The following SLCO2A1 variants were observed in gnomAD, a reference collection of about 807,000 sequenced individuals.
SLCO2A1 encodes the protein matrin F/G 1.
Under a neutral mutation model 71.7 loss-of-function variants are expected in SLCO2A1, and 60 were observed. The observed-to-expected ratio is 0.84, with a 90% confidence interval of 0.68 to 1.04. The LOEUF (loss-of-function observed/expected upper bound fraction) is 1.04. Among genes scored for constraint, SLCO2A1 ranks in the 50% least tolerant of loss-of-function variants. SLCO2A1 has a pLI of 0.00. For synonymous variants in SLCO2A1, 308 were observed against 326.7 expected, an observed-to-expected ratio of 0.94 and a Z score of 0.62; for missense variants, 745 against 813.4, an observed-to-expected ratio of 0.92 and a Z score of 1.02.
chr3:133,949,084 C>CTCAGAAG, intron 6 of SLCO2A1, 113 bp from the exon 7 acceptor site: 1 of 847,590 alleles, frequency 1.2e-6, no homozygotes, highest in South Asian at 1.5e-5. Context: ...AGGTGAGCCC[C>CTCAGAAG]CTCCAGGCGT....
chr3:133,978,695 C>T (rs1484940409), intron 2 of SLCO2A1, among the ~76,000 whole-genome samples: 1 of 152,088 alleles, frequency 6.6e-6, no homozygotes, highest in Non-Finnish European at 1.5e-5. Context: ...TGCCTCCATC[C>T]AGGAAGAGTG....
At position 133,979,508 on chromosome 3, in the gene SLCO2A1, T is replaced by A. The variant is rs1048562799; in HGVS notation, c.207A>T (p.Ser69=). The change falls in exon 2 of 14, where the codon TCA becomes TCT. Residue 69 remains serine, a synonymous_variant. Coordinates refer to ENST00000310926, the MANE Select transcript of SLCO2A1 (RefSeq NM_005630.3). ...CATTCAAGCTGGAAATGAGACCCGATGAAGAACTGGAGAGCCCAAAGCGCT... is the reference window on the plus strand; with the variant it reads ...CATTCAAGCTGGAAATGAGACCCGAAGAAGAACTGGAGAGCCCAAAGCGCT... ...IEKRFGLSSS[S]SGLISSLNEI... 2 of 1,614,142 alleles carry A rather than the reference T, an allele frequency of 1.2e-6. No homozygotes were observed. The highest frequency in any genetic ancestry group is 1.7e-5 in the Admixed American group (1 of 60,028).
intron 1 of SLCO2A1, among the ~76,000 whole-genome samples, chr3:133,996,419 G>A (rs1934965388): frequency 6.6e-6 from 1 of 152,234 alleles, no homozygotes; most frequent in African/African-American, 2.4e-5. Flanking sequence ...AGGTAGGACG[G>A]ACGTGCATGG....
chr3:133,951,137 T>C (rs759669016), intron 6 of SLCO2A1, 71 bp downstream of exon 6: 2 of 1,595,106 alleles, frequency 1.3e-6, no homozygotes, highest in Non-Finnish European at 1.7e-6. Flanking sequence ...TTTTTAGCTC[T>C]ATTTATTTTC....
chr3:133,936,175 A>C (rs1283219846), intron 12 of SLCO2A1, among the ~76,000 whole-genome samples: 2 of 152,166 alleles, frequency 1.3e-5, no homozygotes, highest in East Asian at 3.9e-4. Flanking sequence ...CATCCAACAT[A>C]GTTCTCCTGA....
At chr3:134,011,941 C>T (rs1214709771) in intron 1 of SLCO2A1, among the ~76,000 whole-genome samples, 1 of 152,092 alleles carries the variant, frequency 6.6e-6, no homozygotes. Flanking sequence ...GATCTGGGGG[C>T]TGATGAGGGC....
chr3:133,948,045 A>T (rs906133567), intron 8 of SLCO2A1, among the ~76,000 whole-genome samples: 5 of 152,148 alleles, frequency 3.3e-5, no homozygotes, highest in Non-Finnish European at 7.4e-5. Context: ...GGTTTCGTTA[A>T]CCTGGGATAG....
intron 1 of SLCO2A1, among the ~76,000 whole-genome samples, chr3:134,000,382 A>T (rs1041356032): frequency 3.3e-5 from 5 of 152,102 alleles, no homozygotes; most frequent in Admixed American, 3.3e-4. Flanking sequence ...ATGGGGGTGC[A>T]TACAGCAAAG....
chr3:133,985,606 T>C (rs1934695508), intron 1 of SLCO2A1, among the ~76,000 whole-genome samples: 1 of 152,232 alleles, frequency 6.6e-6, no homozygotes, highest in South Asian at 2.1e-4. Flanking sequence ...CTTCCCCAAA[T>C]TACATCATGC....
chr3:133,935,691 C>G, intron 13 of SLCO2A1, 83 bp downstream of exon 13: 2 of 1,402,198 alleles, frequency 1.4e-6, no homozygotes, highest in Non-Finnish European at 9.4e-7. Context: ...TGACAGCCCC[C>G]ACAGTAGCCA....
intron 1 of SLCO2A1, among the ~76,000 whole-genome samples, chr3:134,014,064 G>A (rs1232251919): frequency 6.6e-6 from 1 of 152,168 alleles, no homozygotes; most frequent in South Asian, 2.1e-4. Flanking sequence ...TCTCAAGGGT[G>A]TTGGATGGAG....
At chr3:134,014,936 A>C (rs1254785299) in intron 1 of SLCO2A1, among the ~76,000 whole-genome samples, 1 of 152,216 alleles carries the variant, frequency 6.6e-6, no homozygotes, top group Non-Finnish European at 1.5e-5. Flanking sequence ...AAGGGAAAAA[A>C]CATACCAATC....
chr3:133,965,051 C>T (rs528660820), intron 3 of SLCO2A1, among the ~76,000 whole-genome samples: 2 of 152,210 alleles, frequency 1.3e-5, no homozygotes, highest in South Asian at 4.2e-4. Context: ...TAGTACTCCC[C>T]CACCCTGATG....
At chr3:133,958,394 A>G (rs988525081) in intron 3 of SLCO2A1, among the ~76,000 whole-genome samples, 4 of 151,872 alleles carry the variant, frequency 2.6e-5, no homozygotes, top group African/African-American at 9.7e-5. Context: ...CTCACTGGTC[A>G]CTCCCCCAGT....
At chr3:133,987,513 C>G (rs758090340) in intron 1 of SLCO2A1, among the ~76,000 whole-genome samples, 3 of 152,054 alleles carry the variant, frequency 2.0e-5, no homozygotes, top group Non-Finnish European at 4.4e-5. Context: ...GTCCTCCCCC[C>G]ACCCCACTTC....
Position 133,935,869 on chromosome 3 carries a change from G to T in SLCO2A1, c.1719C>A (p.Gly573=). ...GGATGCAGGAGTGGTCAATGGTGAG[G>T]CCATAGAGGGCTGGAGATGGCAGCC... ...LAWLPSPALY[G]LTIDHSCIRW... Residue 573 remains glycine, a synonymous_variant, in exon 13 of 14, where the codon GGC becomes GGA. Transcript: ENST00000310926. The T allele has an allele frequency of 6.2e-7, 1 of 1,607,724 alleles. No homozygotes were observed. The highest frequency in any genetic ancestry group is 1.1e-5 in the South Asian group (1 of 89,866).
At position 133,934,591 on chromosome 3, in the gene SLCO2A1, T is replaced by C; in HGVS notation, c.*122A>G. On this transcript the variant is annotated 3_prime_UTR_variant, in exon 14 of 14. Transcript: ENST00000310926. ...AGAGGTAGGGAAGGCAAATGAGGAC[T>C]GGGGTTTTCTTTCTTGTTTAAAAAT... 1.4e-6 allele frequency: 1 copy of C among 720,196 alleles called. No individual in the cohort carries two copies. The highest frequency in any genetic ancestry group is 2.4e-6 in the Non-Finnish European group (1 of 423,656). 44.6% of individuals were successfully genotyped at this position (720,196 alleles called of 1,614,324 possible). A position where few individuals can be genotyped will look rare whatever the true frequency, so the allele number is the denominator to read the frequency against.
chr3:133,994,306 T>C (rs1641937310), intron 1 of SLCO2A1, among the ~76,000 whole-genome samples: 1 of 152,104 alleles, frequency 6.6e-6, no homozygotes, highest in Non-Finnish European at 1.5e-5. Context: ...AGTTGGCAAA[T>C]AGTAGCAGGC....
chr3:133,939,995 T>G (rs1389726540), intron 11 of SLCO2A1, among the ~76,000 whole-genome samples: 9 of 134,328 alleles, frequency 6.7e-5, no homozygotes, highest in African/African-American at 2.0e-4. Context: ...GGAGACAGAG[T>G]CTCATTCTGT....
Sources: gnomAD v4.1 joint callset for allele counts (sites outside exome capture counted in the v4.1 genomes callset) on GRCh38, gnomAD v4.1.1 for gene constraint, MANE v1.5 for transcripts, NCBI Gene and HGNC (gene_info 2026-07-23, HGNC 2026-07-21) for gene names.